CPQ: variants seen among roughly 807,000 people sequenced by gnomAD.
The protein encoded by CPQ is Ser-Met dipeptidase.
CPQ carries 37 observed loss-of-function variants against 45.7 expected under a neutral mutation model. That is an observed-to-expected ratio of 0.81 (90% confidence interval 0.62 to 1.07). The LOEUF is 1.07. Among genes scored for constraint, CPQ ranks in the 50% least tolerant of loss-of-function variants. The pLI, the probability that CPQ is intolerant of heterozygous loss-of-function variation, is 0.00. For synonymous variants in CPQ, 186 were observed against 205.8 expected (o/e 0.90, Z 0.82); for missense variants, 537 against 572.9 (o/e 0.94, Z 0.64).
chr8:97,103,175 C>T (rs975486437), intron 7 of CPQ, among the ~76,000 whole-genome samples: 14 of 152,126 alleles, frequency 9.2e-5, no homozygotes, highest in Admixed American at 8.5e-4. Context: ...TTAAGCACAC[C>T]TGCAAAGTTC....
chr8:97,040,317 T>G (rs1348273332), intron 6 of CPQ, among the ~76,000 whole-genome samples: 1 of 152,102 alleles, frequency 6.6e-6, no homozygotes, highest in Non-Finnish European at 1.5e-5. Flanking sequence ...TTCGCCCACT[T>G]TTTGATGGGG....
intron 7 of CPQ, among the ~76,000 whole-genome samples, chr8:97,140,031 A>G: frequency 6.6e-6 from 1 of 151,768 alleles, no homozygotes; most frequent in Non-Finnish European, 1.5e-5. Flanking sequence ...AACAGAGAAG[A>G]CACTGATAAT....
At chr8:97,055,925 C>A (rs776678285) in intron 6 of CPQ, among the ~76,000 whole-genome samples, 54 of 152,072 alleles carry the variant, frequency 3.6e-4, no homozygotes, top group Admixed American at 6.6e-4. Flanking sequence ...CCTGGCGAGA[C>A]TTTTCCTCTA....
At chr8:96,674,476 GA>G (rs1243853968) in intron 1 of CPQ, among the ~76,000 whole-genome samples, 1 of 152,056 alleles carries the variant, frequency 6.6e-6, no homozygotes, top group East Asian at 1.9e-4. Context: ...GTTTTTTAAA[GA>G]AATGCTTGTA....
At chr8:96,765,420 G>A (rs1810454645) in intron 1 of CPQ, among the ~76,000 whole-genome samples, 1 of 152,050 alleles carries the variant, frequency 6.6e-6, no homozygotes, top group Non-Finnish European at 1.5e-5. Flanking sequence ...GACAGTGAAT[G>A]TGAATAATTG....
intron 1 of CPQ, among the ~76,000 whole-genome samples, chr8:96,781,253 G>A (rs1050761612): frequency 9.2e-5 from 14 of 152,134 alleles, no homozygotes. Flanking sequence ...GGAATACCAT[G>A]GACTGGATAG....
chr8:96,844,881 C>T (rs1223530031), intron 3 of CPQ, among the ~76,000 whole-genome samples: 1 of 152,176 alleles, frequency 6.6e-6, no homozygotes, highest in Non-Finnish European at 1.5e-5. Context: ...TTGTCTTTTC[C>T]ATTCTCTCTA....
intron 2 of CPQ, among the ~76,000 whole-genome samples, chr8:96,808,459 G>T (rs906134395): frequency 3.3e-5 from 5 of 152,048 alleles, no homozygotes; most frequent in African/African-American, 1.2e-4. Flanking sequence ...AAAGATGGAG[G>T]CTTCTGGTCT....
chr8:97,105,612 C>G (rs184470698), intron 7 of CPQ, among the ~76,000 whole-genome samples: 30 of 152,280 alleles, frequency 2.0e-4, no homozygotes, highest in Admixed American at 1.2e-3. Context: ...AAGGAACATG[C>G]AAACTATTGC....
At chr8:96,823,924 G>C (rs1811343912) in intron 2 of CPQ, among the ~76,000 whole-genome samples, 1 of 151,848 alleles carries the variant, frequency 6.6e-6, no homozygotes. Flanking sequence ...TTTTGTTCTA[G>C]GTTAAACAAA....
At chr8:96,653,986 T>C (rs1338896658) in intron 1 of CPQ, among the ~76,000 whole-genome samples, 1 of 152,258 alleles carries the variant, frequency 6.6e-6, no homozygotes, top group Non-Finnish European at 1.5e-5. Flanking sequence ...TATCAGTCTT[T>C]CTTCTGCTAT....
At chr8:96,944,161 G>T (rs909668903) in intron 4 of CPQ, among the ~76,000 whole-genome samples, 1 of 151,974 alleles carries the variant, frequency 6.6e-6, no homozygotes, top group East Asian at 1.9e-4. Flanking sequence ...ACAGTAAGAC[G>T]ATTGATATTG....
At chr8:96,891,611 C>T (rs563516852) in intron 4 of CPQ, among the ~76,000 whole-genome samples, 1 of 152,298 alleles carries the variant, frequency 6.6e-6, no homozygotes, top group South Asian at 2.1e-4. Context: ...TTAAAATCCC[C>T]CTCTGCTGAG....
rs200013967 is a variant in CPQ at position 96,702,841 on chromosome 8, CT to C, written c.-35+57446del. ...GTGTCACATATTTTGCATTTTTGTG[CT>C]TTTTTTGGGGGGGTTGTGATTTTGC... On this transcript the variant is annotated intron_variant, in intron 1 of 7. Coordinates refer to ENST00000220763, the MANE Select transcript of CPQ (RefSeq NM_016134.4). Among the ~76,000 whole-genome samples, 398 of 151,842 alleles carry C rather than the reference CT, an allele frequency of 2.6e-3. 2 individuals are homozygous for C. Among genetic ancestry groups the C allele is most frequent in the Admixed American group, 0.017 (260 of 15,232 alleles).
At chr8:96,960,241 T>C (rs188623798) in intron 4 of CPQ, among the ~76,000 whole-genome samples, 1 of 152,320 alleles carries the variant, frequency 6.6e-6, no homozygotes, top group East Asian at 1.9e-4. Context: ...TTATTGCAGA[T>C]TTTTACAATT....
intron 7 of CPQ, among the ~76,000 whole-genome samples, chr8:97,076,995 T>G (rs1810857093): frequency 6.6e-6 from 1 of 152,148 alleles, no homozygotes; most frequent in South Asian, 2.1e-4. Flanking sequence ...TGTATTCTTA[T>G]AATAAAGTAA....
chr8:96,926,643 T>C (rs1376117048), intron 4 of CPQ, among the ~76,000 whole-genome samples: 4 of 149,532 alleles, frequency 2.7e-5, no homozygotes, highest in African/African-American at 7.4e-5. Context: ...TCCTTCTTCT[T>C]CTTCTCCTTC....
chr8:96,687,120 G>A (rs1269571395), intron 1 of CPQ, among the ~76,000 whole-genome samples: 1 of 151,962 alleles, frequency 6.6e-6, no homozygotes, highest in African/African-American at 2.4e-5. Context: ...TGAAACATCT[G>A]TTGGGTTTAC....
chr8:97,124,062 A>G (rs1264165143), intron 7 of CPQ, among the ~76,000 whole-genome samples: 1 of 151,838 alleles, frequency 6.6e-6, no homozygotes, highest in Non-Finnish European at 1.5e-5. Flanking sequence ...CATCTCTACT[A>G]AAGAAAAACA....
Sources: allele counts gnomAD v4.1 joint callset (sites outside exome capture counted in the v4.1 genomes callset), GRCh38; gene constraint gnomAD v4.1.1; transcripts MANE v1.5; gene names NCBI Gene and HGNC (gene_info 2026-07-23, HGNC 2026-07-21).